Variants in PIWIL3 observed in about 807,000 individuals in gnomAD.
PIWIL3 encodes the protein piwi-like protein 3.
A neutral mutation model predicts 109.7 loss-of-function variants in PIWIL3; 101 were observed. The observed-to-expected ratio is 0.92, with a 90% confidence interval of 0.78 to 1.09. PIWIL3 has a LOEUF of 1.09. PIWIL3 is among the 50% of genes least tolerant of loss of function. PIWIL3 has a pLI of 0.00. For synonymous variants in PIWIL3, 373 were observed against 376.4 expected, an observed-to-expected ratio of 0.99 and a Z score of 0.10; for missense variants, 1,031 against 1,072.6, an observed-to-expected ratio of 0.96 and a Z score of 0.54.
rs1018011619 is a variant in PIWIL3, at chr22:24,749,871, TCA to T, written c.1090-54_1090-53del. The T allele has an allele frequency of 5.0e-6, 8 of 1,613,570 alleles. No homozygotes were observed. The East Asian group carries it at 6.7e-5, about 13-fold the overall frequency. The stretch of plus-strand genomic sequence containing the variant: ...GACCATCAGTGAAACCTTAGAAACA[TCA>T]CACACAGAGGTTCAAAAGTGCATGT... On this transcript the variant is annotated intron_variant, in intron 9 of 20. Coordinates refer to ENST00000616349, the MANE Select transcript of PIWIL3 (RefSeq NM_001255975.1).
intron 1 of PIWIL3, among the ~76,000 whole-genome samples, chr22:24,769,025 C>T (rs1224276006): frequency 1.3e-5 from 2 of 152,124 alleles, no homozygotes; most frequent in African/African-American, 4.8e-5. Flanking sequence ...TTAATAAAAA[C>T]GAGGCCAACT....
chr22:24,759,202 C>T (rs1205337450), intron 3 of PIWIL3, among the ~76,000 whole-genome samples: 1 of 152,208 alleles, frequency 6.6e-6, no homozygotes, highest in Non-Finnish European at 1.5e-5. Flanking sequence ...TTTACACATA[C>T]TATTTAATAA....
At position 24,739,695 on chromosome 22, in the gene PIWIL3, A is replaced by G. The variant is rs181628929; in HGVS notation, c.1450-3803T>C. Among the ~76,000 whole-genome samples, 6 of 152,290 alleles carry G rather than the reference A, an allele frequency of 3.9e-5. No homozygotes were observed. The East Asian group carries it at 1.2e-3, about 29-fold the overall frequency. Reference sequence around the variant, plus strand: ...CCTACAAAGAAATGCTAAAAGGGGTACTTCAATCAGAAAAAGAGGAATGTT... The same window carrying G: ...CCTACAAAGAAATGCTAAAAGGGGTGCTTCAATCAGAAAAAGAGGAATGTT... On this transcript the variant is annotated intron_variant, in intron 12 of 20. Transcript: ENST00000616349.
At chr22:24,727,419 G>A (rs748814893) in intron 16 of PIWIL3, among the ~76,000 whole-genome samples, 2 of 152,208 alleles carry the variant, frequency 1.3e-5, no homozygotes, top group Non-Finnish European at 2.9e-5. Flanking sequence ...TGCTATGGCT[G>A]GTTGGAAGAT....
intron 1 of PIWIL3, among the ~76,000 whole-genome samples, chr22:24,766,986 T>G (rs1485943136): frequency 6.7e-6 from 1 of 150,230 alleles, no homozygotes; most frequent in East Asian, 2.0e-4. Flanking sequence ...ATTAAAAAAT[T>G]AACTAGGATG....
chr22:24,750,276 G>A (rs867080010), intron 9 of PIWIL3, among the ~76,000 whole-genome samples: 6 of 152,014 alleles, frequency 3.9e-5, no homozygotes, highest in Non-Finnish European at 7.4e-5. Flanking sequence ...CACCCGTTAG[G>A]CCCTTTTTCC....
intron 16 of PIWIL3, 24 bp downstream of exon 16, chr22:24,727,926 A>T (rs1923091025): frequency 6.4e-7 from 1 of 1,568,964 alleles, no homozygotes; most frequent in South Asian, 1.1e-5. Flanking sequence ...TACTAACTAA[A>T]CATGTCTACC....
chr22:24,744,177 TTAAA>T lies in PIWIL3; in HGVS notation c.1449+4726_1449+4729del, dbSNP rs1218397009. 1.1e-3 allele frequency among the ~76,000 whole-genome samples: 38 copies of T among 35,858 alleles called. 1 individual carries two copies. Among genetic ancestry groups the T allele is most frequent in the South Asian group, 2.2e-3 (2 of 910 alleles). 23.5% of individuals were successfully genotyped at this position (35,858 alleles called of 152,430 possible). On this transcript the variant is annotated intron_variant, in intron 12 of 20. Coordinates refer to ENST00000616349, the MANE Select transcript of PIWIL3 (RefSeq NM_001255975.1). ...AACTCTAATTGAAAGAGTGACCGAATTAAAAAAAAAAAAAAAAAAAAAAAAAAAA... is the reference window on the plus strand; with the variant it reads ...AACTCTAATTGAAAGAGTGACCGAATAAAAAAAAAAAAAAAAAAAAAAAAA...
intron 2 of PIWIL3, among the ~76,000 whole-genome samples, chr22:24,762,137 T>A (rs1031699148): frequency 5.3e-5 from 8 of 152,202 alleles, no homozygotes; most frequent in Admixed American, 3.3e-4. Context: ...CCAAGAAATC[T>A]AGAAACCTTT....
At chr22:24,740,909 A>G (rs1229674628) in intron 12 of PIWIL3, among the ~76,000 whole-genome samples, 2 of 152,240 alleles carry the variant, frequency 1.3e-5, no homozygotes, top group Non-Finnish European at 2.9e-5. Flanking sequence ...AAATCATTCT[A>G]TGAAGCCAGT....
chr22:24,720,801 G>A (rs1922631961), intron 19 of PIWIL3, among the ~76,000 whole-genome samples: 1 of 152,208 alleles, frequency 6.6e-6, no homozygotes, highest in East Asian at 1.9e-4. Context: ...ATTCCACTGT[G>A]GTTTCAAGTA....
At position 24,759,723 on chromosome 22, in the gene PIWIL3, AAGAG is replaced by A. The variant is rs545891900; in HGVS notation, c.223+142_223+145del. 6.6e-3 allele frequency: 8,081 copies of A among 1,219,970 alleles called. 40 individuals are homozygous for A. Among genetic ancestry groups the A allele is most frequent in the Non-Finnish European group, 8.0e-3 (7,004 of 870,358 alleles). 75.6% of individuals were successfully genotyped at this position (1,219,970 alleles called of 1,614,324 possible). ...ACACCATCAGATAATTCACTGCACA[AAGAG>A]AGACAGTTGCAAGCTGCACACACTT... On this transcript the variant is annotated intron_variant, in intron 3 of 20. Transcript: ENST00000616349.
Position 24,723,145 on chromosome 22 carries a change from A to G in PIWIL3, c.2342T>C (p.Leu781Ser). 6.2e-7 allele frequency: 1 copy of G among 1,613,508 alleles called. No homozygotes were observed. Among genetic ancestry groups the G allele is most frequent in the East Asian group, 2.2e-5 (1 of 44,856 alleles). Residue 781 changes from leucine to serine, a missense_variant, in exon 19 of 21, where the codon TTG (leucine) becomes TCG (serine). Leu to Ser is a moderately radical substitution (Grantham distance 145). Coordinates refer to ENST00000616349, the MANE Select transcript of PIWIL3 (RefSeq NM_001255975.1). Reference protein sequence around the residue: ...PPPGTVIDVELTRNEWYDFFI... With the variant: ...PPPGTVIDVESTRNEWYDFFI... ...GGTGGCTTACCATTCATTCCTAGTC[A>G]ACTCTACATCAATAACTGTTCCTGG...
At chr22:24,771,825 C>T (rs1002443990) in intron 1 of PIWIL3, among the ~76,000 whole-genome samples, 1 of 152,002 alleles carries the variant, frequency 6.6e-6, no homozygotes, top group Non-Finnish European at 1.5e-5. Flanking sequence ...CCTCCACCTC[C>T]CCGGTTCAAG....
intron 16 of PIWIL3, 126 bp downstream of exon 16, chr22:24,727,824 A>G (rs982979056): frequency 2.7e-6 from 2 of 752,696 alleles, no homozygotes; most frequent in South Asian, 3.7e-5. Context: ...AGGAGACTAC[A>G]TGATTAAGAA....
chr22:24,758,674 A>C (rs1925236834), intron 3 of PIWIL3, among the ~76,000 whole-genome samples: 1 of 152,226 alleles, frequency 6.6e-6, no homozygotes, highest in South Asian at 2.1e-4. Flanking sequence ...GTTTGCCTCA[A>C]AATTTTACTT....
rs1261220837 is a variant in PIWIL3 at position 24,719,412 on chromosome 22, A to G, written c.*60T>C. The G allele has an allele frequency of 7.7e-7, 1 of 1,299,648 alleles. No homozygotes were observed. Among genetic ancestry groups the G allele is most frequent in the East Asian group, 2.4e-5 (1 of 42,384 alleles). 80.5% of individuals were successfully genotyped at this position (1,299,648 alleles called of 1,614,324 possible). A position where few individuals can be genotyped will look rare whatever the true frequency, so the allele number is the denominator to read the frequency against. On this transcript the variant is annotated 3_prime_UTR_variant, in exon 21 of 21. Transcript: ENST00000616349. ...GAAAATATTTCAGACATCCTGCTTC[A>G]AAAGGAAGACAGGCTTACACGTTGT... is the stretch of plus-strand genomic sequence containing the variant.
intron 12 of PIWIL3, among the ~76,000 whole-genome samples, chr22:24,740,465 A>T (rs1923936742): frequency 6.7e-6 from 1 of 149,984 alleles, no homozygotes; most frequent in South Asian, 2.2e-4. Flanking sequence ...GGAGAATGGC[A>T]TGAACCCGGG....
rs56087060 is a variant in PIWIL3 at position 24,720,259 on chromosome 22, G to GTTTTTTTTTTTTTTT, written c.2358-379_2358-365dup. On this transcript the variant is annotated intron_variant, in intron 19 of 20. Transcript: ENST00000616349. ...AGAATCACTGGACTATATTTAAACTGTTTTTTTTTTTTTTTTTTTTTTTTT... is the reference window on the plus strand; with the variant it reads ...AGAATCACTGGACTATATTTAAACTGTTTTTTTTTTTTTTTTTTTTTTTTTTTTTTTTTTTTTTTT... Among the ~76,000 whole-genome samples, 8 of 105,490 alleles carry GTTTTTTTTTTTTTTT rather than the reference G, an allele frequency of 7.6e-5. 1 individual carries two copies. Among genetic ancestry groups the GTTTTTTTTTTTTTTT allele is most frequent in the African/African-American group, 2.1e-4 (6 of 28,890 alleles). 69.2% of individuals were successfully genotyped at this position (105,490 alleles called of 152,430 possible). A position where few individuals can be genotyped will look rare whatever the true frequency, so the allele number is the denominator to read the frequency against.
Sources: gnomAD v4.1 joint callset for allele counts (sites outside exome capture counted in the v4.1 genomes callset) on GRCh38, gnomAD v4.1.1 for gene constraint, MANE v1.5 for transcripts, NCBI Gene and HGNC (gene_info 2026-07-23, HGNC 2026-07-21) for gene names.